The following TECRL variants were observed in gnomAD, a reference collection of about 807,000 sequenced individuals.
The protein encoded by TECRL is trans-2,3-enoyl-CoA reductase-like.
TECRL carries 63 observed loss-of-function variants against 52.8 expected under a neutral mutation model. That is an observed-to-expected ratio of 1.19 (90% confidence interval 0.97 to 1.47). The LOEUF is 1.47. Ranked by LOEUF, TECRL falls within the 40% of genes most tolerant of loss-of-function variation. The pLI, the probability that TECRL is intolerant of heterozygous loss-of-function variation, is 0.00. For synonymous variants in TECRL, 164 were observed against 141.9 expected (o/e 1.16, Z -1.10); for missense variants, 482 against 429.6 (o/e 1.12, Z -1.08).
intron 9 of TECRL, among the ~76,000 whole-genome samples, chr4:64,288,093 G>A (rs911539141): frequency 5.3e-5 from 8 of 151,688 alleles, no homozygotes; most frequent in Non-Finnish European, 1.5e-5. Context: ...AAGTTGCAGT[G>A]AGCCAAGATC....
chr4:64,324,864 C>A (rs1053746452), intron 3 of TECRL, among the ~76,000 whole-genome samples: 11 of 152,072 alleles, frequency 7.2e-5, no homozygotes, highest in African/African-American at 2.7e-4. Context: ...GTGTGGTAGG[C>A]AGATTTCTTA....
At chr4:64,336,516 G>T (rs1719094995) in intron 2 of TECRL, among the ~76,000 whole-genome samples, 1 of 152,014 alleles carries the variant, frequency 6.6e-6, no homozygotes, top group South Asian at 2.1e-4. Flanking sequence ...CTTCAGTTCT[G>T]CTCTAATCTT....
At chr4:64,295,944 T>A (rs964602513) in intron 8 of TECRL, among the ~76,000 whole-genome samples, 2 of 151,982 alleles carry the variant, frequency 1.3e-5, no homozygotes, top group Non-Finnish European at 2.9e-5. Context: ...TTGATTCCTG[T>A]GTATGTTATT....
Position 64,326,503 on chromosome 4 carries a change from T to G in TECRL, c.331+2009A>C, listed in dbSNP as rs571077781. On this transcript the variant is annotated intron_variant, in intron 3 of 11. Transcript: ENST00000381210. ...AGTGACTTGCAGGACAAGTGATCAT[T>G]TGCTATTTCCAAACCTGGGCTTCAA... Among the ~76,000 whole-genome samples the G allele has an allele frequency of 1.1e-4, 17 of 152,240 alleles. 1 individual carries two copies. Among genetic ancestry groups the G allele is most frequent in the African/African-American group, 3.8e-4 (16 of 41,566 alleles).
chr4:64,298,758 A>T (rs1244424937), intron 8 of TECRL: 3 of 151,162 alleles, frequency 2.0e-5, no homozygotes, highest in Non-Finnish European at 4.5e-5. Flanking sequence ...ACTAATAATC[A>T]GATATTAATC....
chr4:64,324,957 T>C (rs1233456128), intron 3 of TECRL, among the ~76,000 whole-genome samples: 1 of 152,142 alleles, frequency 6.6e-6, no homozygotes, highest in Non-Finnish European at 1.5e-5. Context: ...GATTAAATTA[T>C]ATTGCATGGC....
intron 1 of TECRL, among the ~76,000 whole-genome samples, chr4:64,391,124 T>C (rs1723518760): frequency 6.6e-6 from 1 of 151,840 alleles, no homozygotes; most frequent in Admixed American, 6.6e-5. Flanking sequence ...ATAAACAAAT[T>C]CAGAGTATCT....
chr4:64,372,451 A>G (rs1344570288), intron 2 of TECRL, among the ~76,000 whole-genome samples: 5 of 151,734 alleles, frequency 3.3e-5, no homozygotes, highest in Non-Finnish European at 7.4e-5. Context: ...CTCTCTTTCT[A>G]TTTCTTCACC....
At chr4:64,281,607 C>A in intron 9 of TECRL, 48 bp from the exon 10 acceptor site, 1 of 975,566 alleles carries the variant, frequency 1.0e-6, no homozygotes, top group Admixed American at 2.1e-5. Context: ...CATTGCAAAT[C>A]TGATCATATG....
At chr4:64,308,366 T>C (rs1724461476) in intron 6 of TECRL, among the ~76,000 whole-genome samples, 1 of 152,116 alleles carries the variant, frequency 6.6e-6, no homozygotes, top group South Asian at 2.1e-4. Context: ...GCCATTAGCA[T>C]TGTGGCTTCA....
intron 1 of TECRL, among the ~76,000 whole-genome samples, chr4:64,380,399 T>C (rs755065287): frequency 6.6e-6 from 1 of 152,136 alleles, no homozygotes; most frequent in Non-Finnish European, 1.5e-5. Context: ...ATGCAGAAGC[T>C]GATTATTTTA....
At chr4:64,369,558 A>AT (rs1325095327) in intron 2 of TECRL, among the ~76,000 whole-genome samples, 4 of 151,912 alleles carry the variant, frequency 2.6e-5, no homozygotes, top group Admixed American at 6.6e-5. Context: ...AATTAATGAG[A>AT]TTTTTTCAGG....
chr4:64,381,359 C>T (rs1721783026), intron 1 of TECRL, among the ~76,000 whole-genome samples: 1 of 150,876 alleles, frequency 6.6e-6, no homozygotes, highest in Non-Finnish European at 1.5e-5. Flanking sequence ...TCCACATTTC[C>T]AATTTGGATG....
At chr4:64,389,792 A>G (rs1392208845) in intron 1 of TECRL, among the ~76,000 whole-genome samples, 1 of 151,898 alleles carries the variant, frequency 6.6e-6, no homozygotes, top group Non-Finnish European at 1.5e-5. Context: ...TGCCTATTCA[A>G]AAATGAAAGA....
intron 9 of TECRL, among the ~76,000 whole-genome samples, chr4:64,285,556 A>T (rs532045666): frequency 3.3e-5 from 5 of 152,290 alleles, no homozygotes; most frequent in African/African-American, 1.2e-4. Flanking sequence ...AGGGAATAAA[A>T]ATTCAAGACT....
intron 8 of TECRL, 144 bp downstream of exon 8, chr4:64,299,830 A>T (rs1723904445): frequency 6.3e-6 from 2 of 318,518 alleles, no homozygotes; most frequent in Admixed American, 9.7e-5. Flanking sequence ...AGAAAGTTAT[A>T]TGATTTACTT....
At chr4:64,399,661 C>T (rs1257931592) in intron 1 of TECRL, among the ~76,000 whole-genome samples, 1 of 152,170 alleles carries the variant, frequency 6.6e-6, no homozygotes, top group Non-Finnish European at 1.5e-5. Flanking sequence ...GGAGCTTCAA[C>T]CCTGGTGCAA....
chr4:64,359,875 G>C (rs1328440294), intron 2 of TECRL, among the ~76,000 whole-genome samples: 1 of 152,004 alleles, frequency 6.6e-6, no homozygotes, highest in East Asian at 1.9e-4. Flanking sequence ...GTGAAAACAG[G>C]TTCATTTGCA....
chr4:64,392,509 TA>T (rs1723616601), intron 1 of TECRL, among the ~76,000 whole-genome samples: 1 of 151,858 alleles, frequency 6.6e-6, no homozygotes, highest in Non-Finnish European at 1.5e-5. Context: ...ACCTATGAAC[TA>T]AAAGACATTA....
Sources: gnomAD v4.1 joint callset for allele counts (sites outside exome capture counted in the v4.1 genomes callset) on GRCh38, gnomAD v4.1.1 for gene constraint, MANE v1.5 for transcripts, NCBI Gene and HGNC (gene_info 2026-07-23, HGNC 2026-07-21) for gene names.